Variants in FSTL4 observed in about 807,000 individuals in gnomAD.
FSTL4 encodes the protein follistatin-related protein 4.
Under a neutral mutation model 78.2 loss-of-function variants are expected in FSTL4, and 28 were observed. The ratio of observed to expected loss-of-function variants is 0.36; its 90% confidence interval spans 0.27 to 0.49. The LOEUF is 0.49. FSTL4 is among the 20% of genes least tolerant of loss of function. The pLI is 0.98. For missense variants in FSTL4, 922 were observed against 1,084.9 expected (o/e 0.85, Z 2.11); for synonymous variants, 422 against 440.5 (o/e 0.96, Z 0.53).
chr5:133,820,704 G>A, the FSTL4 span, among the ~76,000 whole-genome samples: 2 of 152,224 alleles, frequency 1.3e-5, no homozygotes, highest in African/African-American at 4.8e-5. Flanking sequence ...TTTCGTAAGT[G>A]TTGGAATTTA....
the FSTL4 span, among the ~76,000 whole-genome samples, chr5:133,640,762 A>C: frequency 6.6e-6 from 1 of 152,198 alleles, no homozygotes; most frequent in African/African-American, 2.4e-5. Flanking sequence ...ATGTACAGCC[A>C]ATATGTCATT....
At chr5:133,692,547 C>T in the FSTL4 span, among the ~76,000 whole-genome samples, 1 of 152,182 alleles carries the variant, frequency 6.6e-6, no homozygotes. Flanking sequence ...GCTTGCAAAG[C>T]ACAGAAATTG....
chr5:133,220,401 C>T (rs1581538038), intron 12 of FSTL4, among the ~76,000 whole-genome samples: 2 of 152,356 alleles, frequency 1.3e-5, no homozygotes, highest in South Asian at 2.1e-4. Context: ...TTATTTTCTA[C>T]CTGGCCTTAG....
the FSTL4 span, among the ~76,000 whole-genome samples, chr5:133,798,335 A>G: frequency 2.0e-5 from 3 of 152,160 alleles, no homozygotes; most frequent in African/African-American, 4.8e-5. Context: ...TTCCCAGAGG[A>G]GCAAACTCAG....
intron 3 of FSTL4, among the ~76,000 whole-genome samples, chr5:133,529,624 A>C (rs1446032941): frequency 6.6e-6 from 1 of 152,200 alleles, no homozygotes; most frequent in Non-Finnish European, 1.5e-5. Context: ...ATAATTAGAC[A>C]ACACTGCCTC....
At chr5:133,267,685 C>A (rs1561650188) in intron 6 of FSTL4, among the ~76,000 whole-genome samples, 1 of 152,120 alleles carries the variant, frequency 6.6e-6, no homozygotes, top group Non-Finnish European at 1.5e-5. Flanking sequence ...CTGAGACACA[C>A]CTGGGAAGGA....
At chr5:133,676,282 C>T in the FSTL4 span, among the ~76,000 whole-genome samples, 2 of 152,134 alleles carry the variant, frequency 1.3e-5, no homozygotes, top group Non-Finnish European at 2.9e-5. Context: ...ATCTTATAAC[C>T]CTATGGACTA....
At chr5:133,696,816 G>C in the FSTL4 span, among the ~76,000 whole-genome samples, 1 of 152,234 alleles carries the variant, frequency 6.6e-6, no homozygotes, top group African/African-American at 2.4e-5. Flanking sequence ...ACAGGGGTGT[G>C]TGCATGCTCT....
chr5:133,365,527 C>T (rs544799330), intron 4 of FSTL4, among the ~76,000 whole-genome samples: 1 of 152,290 alleles, frequency 6.6e-6, no homozygotes, highest in South Asian at 2.1e-4. Flanking sequence ...ATCAGCACCC[C>T]TGCTGCCCTG....
the FSTL4 span, among the ~76,000 whole-genome samples, chr5:133,779,588 AAAAC>A: frequency 2.6e-5 from 4 of 152,046 alleles, no homozygotes; most frequent in African/African-American, 9.7e-5. Flanking sequence ...TCCATCTCAA[AAAAC>A]AAAACAAAAA....
chr5:133,287,242 G>T (rs962038315), intron 6 of FSTL4, among the ~76,000 whole-genome samples: 1 of 152,098 alleles, frequency 6.6e-6, no homozygotes, highest in Non-Finnish European at 1.5e-5. Context: ...CAAAAAATTA[G>T]CCAGGTGTGG....
the FSTL4 span, among the ~76,000 whole-genome samples, chr5:133,802,738 C>T: frequency 6.6e-6 from 1 of 152,328 alleles, no homozygotes; most frequent in South Asian, 2.1e-4. Context: ...GGGAACCATC[C>T]CTTCTGCTCT....
chr5:133,562,856 A>G lies in FSTL4; in HGVS notation c.160+4330T>C, dbSNP rs770444075. Among the ~76,000 whole-genome samples the G allele has an allele frequency of 1.1e-4, 16 of 152,334 alleles. No individual in the cohort carries two copies. In the East Asian group the frequency reaches 1.5e-3, roughly 15 times the overall value. ...TGTTCGCTCATGGCTGTAATTCAAC[A>G]TGATGGGAACAGTCAGAGAAAAGTA... is the stretch of plus-strand genomic sequence containing the variant. On this transcript the variant is annotated intron_variant, in intron 3 of 15. Transcript: ENST00000265342.
At chr5:133,474,621 G>A (rs1757891359) in intron 3 of FSTL4, among the ~76,000 whole-genome samples, 1 of 152,186 alleles carries the variant, frequency 6.6e-6, no homozygotes, top group Admixed American at 6.5e-5. Context: ...TTGTGAGGAA[G>A]AGCCTTCATT....
At chr5:133,410,918 C>T (rs1445640223) in intron 3 of FSTL4, among the ~76,000 whole-genome samples, 1 of 152,178 alleles carries the variant, frequency 6.6e-6, no homozygotes, top group East Asian at 1.9e-4. Context: ...TTCATCTATT[C>T]TCAACTTCAA....
intron 3 of FSTL4, among the ~76,000 whole-genome samples, chr5:133,520,121 C>T (rs1758945949): frequency 6.6e-6 from 1 of 152,148 alleles, no homozygotes; most frequent in Non-Finnish European, 1.5e-5. Flanking sequence ...TCAGGACCCT[C>T]CCTTCTCCTT....
intron 3 of FSTL4, among the ~76,000 whole-genome samples, chr5:133,430,046 A>G (rs527310457): frequency 6.6e-6 from 1 of 152,362 alleles, no homozygotes; most frequent in African/African-American, 2.4e-5. Context: ...AAGATTGGAC[A>G]GCCATAAGAT....
At chr5:133,235,367 C>T (rs866206298) in intron 7 of FSTL4, among the ~76,000 whole-genome samples, 21 of 151,968 alleles carry the variant, frequency 1.4e-4, no homozygotes, top group South Asian at 4.2e-4. Context: ...GGCGTGGAGG[C>T]GGGCGCCTGT....
At chr5:133,257,034 T>C (rs1271174349) in intron 6 of FSTL4, among the ~76,000 whole-genome samples, 2 of 152,236 alleles carry the variant, frequency 1.3e-5, no homozygotes, top group Non-Finnish European at 2.9e-5. Flanking sequence ...CTGTTTTATT[T>C]ATGTTGTATC....
Sources: gnomAD v4.1 joint callset for allele counts (sites outside exome capture counted in the v4.1 genomes callset) on GRCh38, gnomAD v4.1.1 for gene constraint, MANE v1.5 for transcripts, NCBI Gene and HGNC (gene_info 2026-07-23, HGNC 2026-07-21) for gene names.